DNAH2: variants seen among roughly 807,000 people sequenced by gnomAD.
DNAH2 encodes dynein axonemal heavy chain 2, also known as axonemal beta dynein heavy chain 2.
Under a neutral mutation model 523.5 loss-of-function variants are expected in DNAH2, and 323 were observed. The ratio of observed to expected loss-of-function variants is 0.62; its 90% CI spans 0.56 to 0.68. The LOEUF is 0.68. DNAH2 is among the 30% of genes least tolerant of loss of function. DNAH2 has a pLI of 0.00. For synonymous variants in DNAH2, 2,093 were observed against 2,177.4 expected, an observed-to-expected ratio of 0.96 and a Z score of 1.08; for missense variants, 4,907 against 5,701.5, an observed-to-expected ratio of 0.86 and a Z score of 4.49.
rs2076140790 is a variant in DNAH2 at position 7,765,478 on chromosome 17, A to G, written c.3424A>G (p.Lys1142Glu). 1 of 1,614,262 alleles carries G rather than the reference A, an allele frequency of 6.2e-7. No individual in the cohort carries two copies. The highest frequency in any genetic ancestry group is 2.2e-5 in the East Asian group (1 of 44,884). ...LDSKQMLKKHKEKFKTGLIHS... is the reference protein window; with the variant it reads ...LDSKQMLKKHEEKFKTGLIHS... ...CAGTAAGCAAATGCTGAAGAAACAC[A>G]AGGAGAAATTCAAGACAGGCCTGAT... Residue 1142 changes from lysine (K) to glutamate (E), a missense_variant, in exon 21 of 86, where the codon AAG (lysine) becomes GAG (glutamate). Transcript: ENST00000572933.
intron 44 of DNAH2, 150 bp downstream of exon 44, chr17:7,788,394 G>A: frequency 1.1e-6 from 1 of 946,928 alleles, no homozygotes. Flanking sequence ...GACCATGGAG[G>A]CAGTGAGGGG....
chr17:7,745,793 C>CA (rs5819164), intron 12 of DNAH2, among the ~76,000 whole-genome samples: 91 of 123,772 alleles, frequency 7.4e-4, no homozygotes, highest in Non-Finnish European at 9.5e-4. Flanking sequence ...CTGTCTCAAA[C>CA]AAAAAAAAAA....
At position 7,807,147 on chromosome 17, in the gene DNAH2, C is replaced by T; in HGVS notation, c.9443-3C>T. ...GCTAAGGCCCCTAATTTTCATCCCA[C>T]AGGGGAACAGAACTTCATCAAGTCA... On this transcript the variant is annotated splice_polypyrimidine_tract_variant and splice_region_variant and intron_variant, in intron 61 of 85. Coordinates refer to ENST00000572933, the MANE Select transcript of DNAH2 (RefSeq NM_020877.5). This position sits in a 1 kb window ranked among gnomAD's most constrained non-coding sequence, Gnocchi z 5.6. 1.9e-6 allele frequency: 3 copies of T among 1,604,252 alleles called. No homozygotes were observed. The highest frequency in any genetic ancestry group is 1.7e-6 in the Non-Finnish European group (2 of 1,179,696).
chr17:7,719,064 T>C (rs949497885), intron 1 of DNAH2, among the ~76,000 whole-genome samples: 8 of 151,940 alleles, frequency 5.3e-5, no homozygotes, highest in African/African-American at 1.7e-4. Flanking sequence ...GATTATCTTA[T>C]GTTCTCATAC....
chr17:7,831,576 G>GGTGTGAGGAGAAGC lies in DNAH2; in HGVS notation c.12611+36_12611+49dup, dbSNP rs755888645. 3.7e-6 allele frequency: 6 copies of GGTGTGAGGAGAAGC among 1,613,754 alleles called. No homozygotes were observed. In the African/African-American group the frequency reaches 6.7e-5, roughly 18 times the overall value. ...AGGGGGACTCTGCGGAACAGGGGAG[G>GGTGTGAGGAGAAGC]GTGTGAGGAGAAGCCTTTGCCTTCT... is the stretch of plus-strand genomic sequence containing the variant. On this transcript the variant is annotated intron_variant, in intron 81 of 85. Coordinates refer to ENST00000572933, the MANE Select transcript of DNAH2 (RefSeq NM_020877.5). The surrounding 1 kb of genome is among the most constrained non-coding windows in gnomAD (Gnocchi z 4.2).
At chr17:7,799,742 C>G (rs1174377094) in intron 56 of DNAH2, among the ~76,000 whole-genome samples, 1 of 151,734 alleles carries the variant, frequency 6.6e-6, no homozygotes, top group Non-Finnish European at 1.5e-5. Context: ...CGCTTGAACC[C>G]GGGAGGCAGA....
intron 49 of DNAH2, among the ~76,000 whole-genome samples, chr17:7,795,696 CAT>C (rs548098110): frequency 1.0e-4 from 15 of 145,836 alleles, no homozygotes; most frequent in Non-Finnish European, 1.8e-4. Context: ...ATTTTATATA[CAT>C]ATATATATAG....
At chr17:7,739,379 C>T (rs1350789638) in intron 8 of DNAH2, among the ~76,000 whole-genome samples, 1 of 152,204 alleles carries the variant, frequency 6.6e-6, no homozygotes, top group Non-Finnish European at 1.5e-5. Context: ...GCACTCCAGC[C>T]TGGGCAACAG....
intron 27 of DNAH2, 90 bp downstream of exon 27, chr17:7,771,023 T>G: frequency 7.1e-7 from 1 of 1,398,826 alleles, no homozygotes; most frequent in Non-Finnish European, 9.8e-7. Context: ...ATCAGCCTCA[T>G]TCTCCTACCT....
intron 3 of DNAH2, among the ~76,000 whole-genome samples, chr17:7,725,021 G>C (rs1411858311): frequency 6.6e-6 from 1 of 151,898 alleles, no homozygotes; most frequent in African/African-American, 2.4e-5. Context: ...AGGATTACAG[G>C]TGTCAGCCAC....
At chr17:7,748,161 C>T (rs937593960) in intron 12 of DNAH2, among the ~76,000 whole-genome samples, 9 of 152,192 alleles carry the variant, frequency 5.9e-5, no homozygotes, top group South Asian at 4.1e-4. Flanking sequence ...GCTTTTATCA[C>T]GTTTTACGGA....
At chr17:7,743,673 A>C in intron 12 of DNAH2, 1 of 303,226 alleles carries the variant, frequency 3.3e-6, no homozygotes, top group South Asian at 4.7e-5. Flanking sequence ...CAAAAACAAA[A>C]ATCAAAAACC....
chr17:7,728,212 T>C (rs183843423), intron 4 of DNAH2, among the ~76,000 whole-genome samples: 2 of 152,200 alleles, frequency 1.3e-5, no homozygotes, highest in East Asian at 1.9e-4. Context: ...AAAAGACAGA[T>C]GGATAGTAAA....
chr17:7,798,128 C>A lies in DNAH2; in HGVS notation c.8231-29C>A. ...GTCCCCTGAGTTTGCTCAGCCAACTCATTACCCTCACACCCACCCCACCCC... is the reference window on the plus strand; with the variant it reads ...GTCCCCTGAGTTTGCTCAGCCAACTAATTACCCTCACACCCACCCCACCCC... On this transcript the variant is annotated intron_variant, in intron 53 of 85. Transcript: ENST00000572933. This position sits in a 1 kb window ranked among gnomAD's most constrained non-coding sequence, Gnocchi z 5.5. 6.4e-7 allele frequency: 1 copy of A among 1,560,412 alleles called. No homozygotes were observed. Among genetic ancestry groups the A allele is most frequent in the South Asian group, 1.2e-5 (1 of 84,094 alleles).
At chr17:7,737,326 A>T in intron 8 of DNAH2, 68 bp downstream of exon 8, 2 of 1,514,260 alleles carry the variant, frequency 1.3e-6, no homozygotes, top group South Asian at 1.2e-5. Context: ...AGCAGGGGGA[A>T]TGCATTCGGC....
chr17:7,752,160 T>TACACACACTCACTCACACAC (rs146035380), intron 12 of DNAH2, among the ~76,000 whole-genome samples: 1 of 124,952 alleles, frequency 8.0e-6, no homozygotes, highest in Non-Finnish European at 1.6e-5. Flanking sequence ...TAAGTCATTT[T>TACACACACTCACTCACACAC]ACACACACAC....
Position 7,760,001 on chromosome 17 carries a change from C to A in DNAH2, c.2785+63C>A. 1.9e-6 allele frequency: 3 copies of A among 1,609,240 alleles called. No individual in the cohort carries two copies. The highest frequency in any genetic ancestry group is 2.6e-6 in the Non-Finnish European group (3 of 1,176,334). ...TCAGAGGCTGTCGAGTGGGCCAGGCCAGGAGGAGAGACCAGGGCTATTTCC... is the reference window on the plus strand; with the variant it reads ...TCAGAGGCTGTCGAGTGGGCCAGGCAAGGAGGAGAGACCAGGGCTATTTCC... On this transcript the variant is annotated intron_variant, in intron 17 of 85. Transcript: ENST00000572933. The surrounding 1 kb of genome is among the most constrained non-coding windows in gnomAD (Gnocchi z 4.0).
Position 7,816,656 on chromosome 17 carries a change from T to C in DNAH2, c.9815T>C (p.Met3272Thr). Residue 3272 changes from methionine (M) to threonine (T), a missense_variant, in exon 64 of 86, where the codon ATG (methionine) becomes ACG (threonine). Met to Thr is a moderately conservative substitution (Grantham distance 81). This residue lies in a region of DNAH2 where 1,851 missense variants were observed against 2,139.4 expected (regional missense o/e 0.87). Coordinates refer to ENST00000572933, the MANE Select transcript of DNAH2 (RefSeq NM_020877.5). ...GAGCTTCGCAAGAAGTCTGAAGAGA[T>C]GGAGCTGAAGCTGGAGCGAGCTGGG... ...KEELRKKSEE[M>T]ELKLERAGML... The C allele has an allele frequency of 1.2e-6, 2 of 1,614,184 alleles. No homozygotes were observed. Among genetic ancestry groups the C allele is most frequent in the Non-Finnish European group, 8.5e-7 (1 of 1,180,028 alleles).
chr17:7,774,166 T>C (rs554352953), intron 28 of DNAH2, among the ~76,000 whole-genome samples: 1 of 152,340 alleles, frequency 6.6e-6, no homozygotes, highest in South Asian at 2.1e-4. Context: ...ATCACTACTC[T>C]TGCACTTTTG....
Sources: allele counts gnomAD v4.1 joint callset (sites outside exome capture counted in the v4.1 genomes callset), GRCh38; gene constraint gnomAD v4.1.1; regional missense constraint gnomAD v4.1.1; non-coding constraint Gnocchi (gnomAD v3.1); transcripts MANE v1.5; gene names NCBI Gene and HGNC (gene_info 2026-07-23, HGNC 2026-07-21).